The following TEX13C variants were observed in gnomAD, a reference collection of about 807,000 sequenced individuals.
TEX13C encodes testis-expressed protein 13C.
For missense variants in TEX13C, 480 were observed against 298.7 expected (o/e 1.61, Z -4.47); for synonymous variants, 219 against 116.6 (o/e 1.88, Z -5.65).
chrX:125,320,073 C>T (rs751238930), upstream of TEX13C: 7 of 453,160 alleles, frequency 1.5e-5, no homozygotes, highest in Middle Eastern at 6.9e-4. Context: ...CGGCGGCAGC[C>T]GAGGCGACGC....
chrX:125,320,620 AGCCGGCCAGTATGGGCCTGTG>A, exon 1 of TEX13C: 1 of 515,802 alleles, frequency 1.9e-6, no homozygotes, highest in Admixed American at 2.6e-5. Context: ...CCGGTCCAGA[AGCCGGCCAGTATGGGCCTGTG>A]GCCGGGACTT....
exon 1 of TEX13C, chrX:125,323,371 T>A (rs1256610069): frequency 4.9e-6 from 1 of 204,298 alleles, no homozygotes; most frequent in African/African-American, 3.0e-5. Context: ...CTTCTGAGTA[T>A]AACACTCAGT....
chrX:125,321,093 G>A (rs1304577473), exon 1 of TEX13C: 17 of 513,880 alleles, frequency 3.3e-5, no homozygotes, highest in Non-Finnish European at 5.9e-5. Flanking sequence ...TGTCCCCAAG[G>A]AATGACTTCC....
At chrX:125,321,514 A>G in exon 1 of TEX13C, 1 of 512,783 alleles carries the variant, frequency 2.0e-6, no homozygotes, top group Non-Finnish European at 3.5e-6. Context: ...GCCTGAAGAA[A>G]GATCCAGTGG....
Position 125,320,818 on chromosome X carries a change from A to C in TEX13C, c.699A>C (p.Pro233=), listed in dbSNP as rs1356096885. 1.7e-5 allele frequency: 9 copies of C among 515,133 alleles called. No individual in the cohort carries two copies. The East Asian group carries it at 3.2e-4, about 19-fold the overall frequency. 42.5% of individuals were successfully genotyped at this position (515,133 alleles called of 1,213,427 possible). A position where few individuals can be genotyped will look rare whatever the true frequency, so the allele number is the denominator to read the frequency against. ...TAATGCAGGCACCTCATCCAGTCCC[A>C]TTCCATATGCCTTCACCAATGGGAC... The change falls in exon 1 of 1, where the codon CCA becomes CCC. Residue 233 remains proline, a synonymous_variant. Transcript: ENST00000632600.
chrX:125,323,196 C>A lies in TEX13C; in HGVS notation c.*95C>A. On this transcript the variant is annotated 3_prime_UTR_variant, in exon 1 of 1. Transcript: ENST00000632600. ...TTCTGATAAAAAAGTAACTTATTTA[C>A]TTAACAGAAAATTTGAAACCAAAAT... 1.2e-5 allele frequency: 5 copies of A among 419,756 alleles called. No individual in the cohort carries two copies. The South Asian group carries it at 2.1e-4, about 18-fold the overall frequency. 34.6% of individuals were successfully genotyped at this position (419,756 alleles called of 1,213,427 possible).
exon 1 of TEX13C, chrX:125,320,146 C>T (rs1004577684): frequency 1.0e-5 from 5 of 491,149 alleles, no homozygotes; most frequent in African/African-American, 6.9e-5. Context: ...GGGACCATGC[C>T]AGCGGGTTCC....
exon 1 of TEX13C, chrX:125,320,683 A>G (rs1235305743): frequency 7.8e-6 from 4 of 515,689 alleles, no homozygotes; most frequent in Non-Finnish European, 1.4e-5. Flanking sequence ...CGGTGGCCAC[A>G]GAGGCACAGG....
chrX:125,320,081 C>T (rs949908851), upstream of TEX13C: 103 of 455,706 alleles, frequency 2.3e-4, no homozygotes, highest in African/African-American at 2.0e-3. Flanking sequence ...GCCGAGGCGA[C>T]GCACCGTGAG....
upstream of TEX13C, chrX:125,320,017 G>A (rs950435381): frequency 4.5e-6 from 2 of 445,992 alleles, no homozygotes; most frequent in African/African-American, 4.9e-5. Context: ...TGAAAGGGGA[G>A]GTGAGGGGTG....
At chrX:125,325,063 A>G (rs1251347029) in exon 1 of TEX13C, 1 of 112,135 alleles carries the variant, frequency 8.9e-6, no homozygotes, top group Non-Finnish European at 1.9e-5. Flanking sequence ...GGAAGGAGCC[A>G]GGGTGGAGCC....
At chrX:125,322,981 C>T (rs1193919380) in exon 1 of TEX13C, 1 of 515,618 alleles carries the variant, frequency 1.9e-6, no homozygotes, top group South Asian at 2.5e-5. Context: ...CCTCATGCTC[C>T]AGCCCAGTGA....
chrX:125,321,496 C>T (rs1434775462), exon 1 of TEX13C: 13 of 503,563 alleles, frequency 2.6e-5, no homozygotes, highest in African/African-American at 1.5e-4. Context: ...GGGACAGCAA[C>T]AGCCATAGCC....
exon 1 of TEX13C, chrX:125,320,151 G>C: frequency 2.0e-6 from 1 of 494,594 alleles, no homozygotes; most frequent in Non-Finnish European, 3.6e-6. Flanking sequence ...CATGCCAGCG[G>C]GTTCCGCCAT....
chrX:125,320,402 G>A (rs1394802337), exon 1 of TEX13C: 1 of 515,998 alleles, frequency 1.9e-6, no homozygotes, highest in African/African-American at 2.3e-5. Flanking sequence ...GTGGCTGCAA[G>A]GGCATGTGGA....
chrX:125,320,125 G>A (rs774668341), exon 1 of TEX13C: 3 of 475,185 alleles, frequency 6.3e-6, no homozygotes, highest in South Asian at 2.9e-5. Context: ...CCGCCATGGC[G>A]ATGAACTTTG....
At chrX:125,321,626 C>T (rs963526859) in exon 1 of TEX13C, 2 of 510,435 alleles carry the variant, frequency 3.9e-6, no homozygotes, top group African/African-American at 4.7e-5. Flanking sequence ...AAGCCACAGC[C>T]ACAGCCTGAA....
exon 1 of TEX13C, chrX:125,322,019 G>A (rs765636443): frequency 7.0e-5 from 33 of 474,546 alleles, no homozygotes; most frequent in Middle Eastern, 3.3e-4. Flanking sequence ...CCTGAAGAAA[G>A]TGCCAGTGAT....
exon 1 of TEX13C, chrX:125,323,177 T>TA (rs770854152): frequency 7.0e-6 from 3 of 429,547 alleles, no homozygotes; most frequent in South Asian, 3.8e-5. Flanking sequence ...CCCCTTCTGA[T>TA]AAAAAAGTAA....
Sources: allele counts gnomAD v4.1 joint callset, GRCh38; gene constraint gnomAD v4.1.1; transcripts MANE v1.5; gene names NCBI Gene and HGNC (gene_info 2026-07-23, HGNC 2026-07-21).